PPIG: variants seen among roughly 807,000 people sequenced by gnomAD.
The protein encoded by PPIG is peptidyl-prolyl cis-trans isomerase G.
Under a neutral mutation model 87.9 loss-of-function variants are expected in PPIG, and 26 were observed. That is an observed-to-expected ratio of 0.30 (90% CI 0.22 to 0.41). The LOEUF is 0.41. Among genes scored for constraint, PPIG ranks in the 10% least tolerant of loss-of-function variants. PPIG has a pLI of 1.00. For missense variants in PPIG, 722 were observed against 879.4 expected (o/e 0.82, Z 2.26); for synonymous variants, 308 against 276.5 (o/e 1.11, Z -1.13).
chr2:169,610,757 C>A (rs1685462887), intron 7 of PPIG, among the ~76,000 whole-genome samples: 1 of 152,172 alleles, frequency 6.6e-6, no homozygotes, highest in Admixed American at 6.6e-5. Context: ...CTGTTTCACT[C>A]TTCACTTAAC....
Position 169,597,414 on chromosome 2 carries a change from C to T in PPIG, c.-69-6228C>T, listed in dbSNP as rs575126713. Among the ~76,000 whole-genome samples, 16 of 152,220 alleles carry T rather than the reference C, an allele frequency of 1.1e-4. No individual in the cohort carries two copies. In the South Asian group the frequency reaches 3.3e-3, roughly 32 times the overall value. ...GCTGAAAGAGTCCTCCCACCTGATC[C>T]TCCTGAGTAGCTAGGACTGCAGGTG... On this transcript the variant is annotated intron_variant, in intron 1 of 13. Coordinates refer to ENST00000260970, the MANE Select transcript of PPIG (RefSeq NM_004792.3).
At chr2:169,606,170 T>C in intron 5 of PPIG, 24 bp downstream of exon 5, 1 of 1,492,748 alleles carries the variant, frequency 6.7e-7, no homozygotes, top group South Asian at 1.1e-5. Context: ...AAATCATGTA[T>C]TATTTTCTGT....
intron 1 of PPIG, among the ~76,000 whole-genome samples, chr2:169,594,430 A>C (rs1162540701): frequency 1.3e-5 from 2 of 151,918 alleles, no homozygotes; most frequent in Non-Finnish European, 2.9e-5. Context: ...ATTACCCTTA[A>C]ACCCATGGCC....
At chr2:169,591,134 T>C (rs956280961) in intron 1 of PPIG, among the ~76,000 whole-genome samples, 5 of 152,290 alleles carry the variant, frequency 3.3e-5, no homozygotes, top group Non-Finnish European at 7.3e-5. Flanking sequence ...TGCCTACTTA[T>C]AAATGCCATG....
At chr2:169,633,483 GTCTT>G (rs766890383) in intron 12 of PPIG, 27 of 536,994 alleles carry the variant, frequency 5.0e-5, no homozygotes, top group Non-Finnish European at 8.0e-5. Flanking sequence ...TGGGATCGAG[GTCTT>G]TCTTGTCTCC....
At chr2:169,622,999 C>G (rs532893959) in intron 9 of PPIG, among the ~76,000 whole-genome samples, 2 of 152,126 alleles carry the variant, frequency 1.3e-5, no homozygotes, top group Admixed American at 1.3e-4. Context: ...CTTGGTCCAT[C>G]TATATGTGTT....
chr2:169,612,935 C>G (rs1558893781), intron 7 of PPIG, among the ~76,000 whole-genome samples: 1 of 152,118 alleles, frequency 6.6e-6, no homozygotes, highest in South Asian at 2.1e-4. Context: ...AGTGGTTGCA[C>G]CATTCTACAT....
At chr2:169,584,906 G>T in intron 1 of PPIG, 1 of 211,072 alleles carries the variant, frequency 4.7e-6, no homozygotes, top group Non-Finnish European at 9.6e-6. Context: ...CGGGGTAGGT[G>T]GCGGGACTGG....
rs1686288658 is a variant in PPIG, at chr2:169,640,577, G to A, written c.*3054G>A. On this transcript the variant is annotated 3_prime_UTR_variant, in exon 14 of 14. Coordinates refer to ENST00000260970, the MANE Select transcript of PPIG (RefSeq NM_004792.3). ...GGTACTTTAAATACCTACCATAGCT[G>A]ATTTGTTATAAAGAAACAAAATGGG... The A allele has an allele frequency of 6.6e-6, 1 of 152,148 alleles. No homozygotes were observed. Among genetic ancestry groups the A allele is most frequent in the Admixed American group, 6.6e-5 (1 of 15,266 alleles). The allele number at this position is 152,148 out of a possible 1,614,324, so 9.4% of individuals were successfully genotyped here. A position where few individuals can be genotyped will look rare whatever the true frequency, so the allele number is the denominator to read the frequency against.
chr2:169,628,765 A>G (rs1243459879), intron 9 of PPIG, among the ~76,000 whole-genome samples: 21 of 151,902 alleles, frequency 1.4e-4, no homozygotes, highest in Admixed American at 1.4e-3. Flanking sequence ...CATGGGGAGA[A>G]CTTGTCTCTA....
intron 9 of PPIG, among the ~76,000 whole-genome samples, chr2:169,615,044 TTTG>T (rs1382778354): frequency 9.9e-5 from 15 of 152,010 alleles, no homozygotes; most frequent in South Asian, 8.3e-4. Flanking sequence ...GGGTTTTTTT[TTTG>T]TTGTTTGTTT....
chr2:169,613,794 C>G (rs1685548815), intron 7 of PPIG, among the ~76,000 whole-genome samples: 1 of 152,126 alleles, frequency 6.6e-6, no homozygotes, highest in African/African-American at 2.4e-5. Flanking sequence ...GGCATGCTGG[C>G]ATGCACCTAT....
At chr2:169,607,960 T>G (rs1249017292) in intron 6 of PPIG, among the ~76,000 whole-genome samples, 2 of 152,226 alleles carry the variant, frequency 1.3e-5, no homozygotes, top group Non-Finnish European at 2.9e-5. Flanking sequence ...TTCAAGCTCC[T>G]GAGCTCCAGT....
intron 9 of PPIG, among the ~76,000 whole-genome samples, chr2:169,628,661 T>G (rs1159478235): frequency 1.3e-5 from 2 of 151,898 alleles, no homozygotes; most frequent in Non-Finnish European, 1.5e-5. Context: ...TAAACAAGGT[T>G]AGGCATGGTA....
intron 6 of PPIG, 69 bp from the exon 7 acceptor site, chr2:169,608,602 T>C: frequency 1.1e-6 from 1 of 909,182 alleles, no homozygotes; most frequent in Non-Finnish European, 1.8e-6. Flanking sequence ...CAGATATGAA[T>C]AGAAGTGAAG....
intron 12 of PPIG, 87 bp from the exon 13 acceptor site, chr2:169,636,005 A>G: frequency 1.1e-6 from 1 of 935,486 alleles, no homozygotes; most frequent in Non-Finnish European, 1.5e-6. Context: ...CCTGACCCTC[A>G]CCCCAGTACT....
intron 1 of PPIG, among the ~76,000 whole-genome samples, chr2:169,587,747 A>G (rs1468973331): frequency 6.6e-6 from 1 of 152,240 alleles, no homozygotes; most frequent in Non-Finnish European, 1.5e-5. Flanking sequence ...AGCAGACAAG[A>G]AAACTTTTGA....
Position 169,594,335 on chromosome 2 carries a change from A to AC in PPIG, c.-69-9307_-69-9306insC, listed in dbSNP as rs1553543623. On this transcript the variant is annotated intron_variant, in intron 1 of 13. Coordinates refer to ENST00000260970, the MANE Select transcript of PPIG (RefSeq NM_004792.3). ...TTGCTGTTGATAGGCAAAAAAAAAAAAACGCATTTTATTAGTACTTTTTTA... is the reference window on the plus strand; with the variant it reads ...TTGCTGTTGATAGGCAAAAAAAAAAACAACGCATTTTATTAGTACTTTTTTA... Among the ~76,000 whole-genome samples the AC allele has an allele frequency of 9.3e-5, 14 of 149,742 alleles. No individual in the cohort carries two copies. The South Asian group carries it at 1.5e-3, about 16-fold the overall frequency.
Position 169,598,004 on chromosome 2 carries a change from C to CTT in PPIG, c.-69-5625_-69-5624dup, listed in dbSNP as rs72191282. The stretch of plus-strand genomic sequence containing the variant: ...GCATGAGCCACCATGCCTGGGCAAC[C>CTT]TTTTTTTTTTTTTTGATACAGGGTC... On this transcript the variant is annotated intron_variant, in intron 1 of 13. Coordinates refer to ENST00000260970, the MANE Select transcript of PPIG (RefSeq NM_004792.3). Among the ~76,000 whole-genome samples the CTT allele has an allele frequency of 2.0e-3, 276 of 139,652 alleles. 4 individuals carry two copies. Among genetic ancestry groups the CTT allele is most frequent in the Non-Finnish European group, 2.7e-3 (174 of 64,396 alleles). 91.6% of individuals were successfully genotyped at this position (139,652 alleles called of 152,430 possible). A position where few individuals can be genotyped will look rare whatever the true frequency, so the allele number is the denominator to read the frequency against.
Sources: gnomAD v4.1 joint callset for allele counts (sites outside exome capture counted in the v4.1 genomes callset) on GRCh38, gnomAD v4.1.1 for gene constraint, MANE v1.5 for transcripts, NCBI Gene and HGNC (gene_info 2026-07-23, HGNC 2026-07-21) for gene names.